The following TXNRD1 variants were observed in gnomAD, a reference collection of about 807,000 sequenced individuals.
TXNRD1 encodes the protein thioredoxin reductase 1.
In TXNRD1, 57 loss-of-function variants were observed where a neutral mutation model predicts 80.3. That is an observed-to-expected ratio of 0.71 (90% CI 0.57 to 0.89). The LOEUF (loss-of-function observed/expected upper bound fraction) is 0.89, where lower values mean the gene tolerates loss of function less well. TXNRD1 is among the 40% of genes least tolerant of loss of function. The probability of loss-of-function intolerance (pLI) is 0.00; values close to 1 mark genes in which losing one functional copy is unlikely to be tolerated. For missense variants in TXNRD1, 730 were observed against 803.0 expected (o/e 0.91, Z 1.10); for synonymous variants, 291 against 285.2 (o/e 1.02, Z -0.20).
intron 2 of TXNRD1, among the ~76,000 whole-genome samples, chr12:104,256,725 A>G (rs1160823080): frequency 6.8e-6 from 1 of 147,520 alleles, no homozygotes; most frequent in Admixed American, 6.9e-5. Flanking sequence ...GATTGCAGTG[A>G]GCCGAGATAG....
intron 4 of TXNRD1, chr12:104,291,203 T>C: frequency 4.5e-6 from 2 of 446,420 alleles, no homozygotes; most frequent in Non-Finnish European, 7.9e-6. Flanking sequence ...TGTCTTTTTT[T>C]TTTTTTTTTT....
At chr12:104,299,946 G>A (rs2034565834) in intron 4 of TXNRD1, among the ~76,000 whole-genome samples, 1 of 152,174 alleles carries the variant, frequency 6.6e-6, no homozygotes, top group South Asian at 2.1e-4. Context: ...GTTTAGGGAG[G>A]TAGCTATTAG....
At chr12:104,273,466 G>A (rs10778315) in intron 3 of TXNRD1, among the ~76,000 whole-genome samples, 50,522 of 151,812 alleles carry the variant, frequency 0.33, 9,307 homozygotes, top group East Asian at 0.83. Flanking sequence ...GGTGGTGCGC[G>A]CCTATAGTCC....
Position 104,348,762 on chromosome 12 carries a change from C to T in TXNRD1, c.*341C>T, listed in dbSNP as rs35776976. ...CTTTCCTTGTGGATTTTCTTATTCT[C>T]GTTGTCAAGTTTTCTAGGGTTGAAT... On this transcript the variant is annotated 3_prime_UTR_variant, in exon 17 of 17. Transcript: ENST00000525566. The T allele has an allele frequency of 4.1e-3, 998 of 244,976 alleles. 9 individuals carry two copies. Among genetic ancestry groups the T allele is most frequent in the African/African-American group, 0.021 (932 of 44,590 alleles). 15.2% of individuals were successfully genotyped at this position (244,976 alleles called of 1,614,324 possible).
At chr12:104,336,671 T>C (rs149712370) in intron 15 of TXNRD1, among the ~76,000 whole-genome samples, 4 of 152,342 alleles carry the variant, frequency 2.6e-5, no homozygotes, top group East Asian at 3.8e-4. Flanking sequence ...TTTTTTCTTA[T>C]AAGAGATAAA....
chr12:104,257,342 G>A (rs1228007609), intron 2 of TXNRD1, among the ~76,000 whole-genome samples: 4 of 147,846 alleles, frequency 2.7e-5, no homozygotes, highest in African/African-American at 7.5e-5. Context: ...TTTAACTATT[G>A]TAGAATATAT....
At chr12:104,290,192 T>C (rs1397467018) in intron 4 of TXNRD1, among the ~76,000 whole-genome samples, 1 of 152,266 alleles carries the variant, frequency 6.6e-6, no homozygotes, top group African/African-American at 2.4e-5. Flanking sequence ...AAAATACTAA[T>C]AATTTGAATT....
At chr12:104,294,242 C>CCCCCCCCCG (rs57647930) in intron 4 of TXNRD1, among the ~76,000 whole-genome samples, 1 of 119,044 alleles carries the variant, frequency 8.4e-6, no homozygotes, top group African/African-American at 3.2e-5. Flanking sequence ...GGCCCCCCCC[C>CCCCCCCCCG]CCGCCGCCGG....
chr12:104,304,316 G>A, intron 4 of TXNRD1: 2 of 1,613,944 alleles, frequency 1.2e-6, no homozygotes, highest in Non-Finnish European at 1.7e-6. Flanking sequence ...TCTGTTCGTG[G>A]GTCTGAATTG....
chr12:104,318,859 T>C lies in TXNRD1; in HGVS notation c.731-54T>C, dbSNP rs2035422601. On this transcript the variant is annotated intron_variant, in intron 7 of 16. Coordinates refer to ENST00000525566, the MANE Select transcript of TXNRD1 (RefSeq NM_001093771.3). The stretch of plus-strand genomic sequence containing the variant: ...CACTTGAGTGGTTATTGAGAAATGA[T>C]CTTTGCCAGCAGTTGAAAAGCCAAA... 7.6e-6 allele frequency: 12 copies of C among 1,579,602 alleles called. No homozygotes were observed. In the South Asian group the frequency reaches 1.4e-4, roughly 18 times the overall value.
At chr12:104,290,720 C>CATATATATATACATATAT (rs2034159495) in intron 4 of TXNRD1, among the ~76,000 whole-genome samples, 3 of 55,874 alleles carry the variant, frequency 5.4e-5, no homozygotes. Flanking sequence ...AAGAAATATA[C>CATATATATATACATATAT]ATATATATAT....
chr12:104,331,928 A>G (rs959855999), intron 14 of TXNRD1, among the ~76,000 whole-genome samples: 1 of 152,100 alleles, frequency 6.6e-6, no homozygotes, highest in African/African-American at 2.4e-5. Context: ...TTTCTTATAT[A>G]GCCGTAGTGT....
intron 13 of TXNRD1, among the ~76,000 whole-genome samples, chr12:104,330,177 A>AT (rs1293386142): frequency 5.9e-5 from 9 of 152,098 alleles, no homozygotes; most frequent in Non-Finnish European, 1.0e-4. Context: ...TATTTTAAAG[A>AT]TTTTATCTCC....
At chr12:104,329,651 A>G (rs1214023978) in intron 13 of TXNRD1, among the ~76,000 whole-genome samples, 1 of 151,950 alleles carries the variant, frequency 6.6e-6, no homozygotes, top group African/African-American at 2.4e-5. Flanking sequence ...CTGTCTCCAA[A>G]AAAAAAAATA....
intron 3 of TXNRD1, among the ~76,000 whole-genome samples, chr12:104,278,067 G>T (rs1464345478): frequency 6.6e-6 from 1 of 151,334 alleles, no homozygotes; most frequent in African/African-American, 2.4e-5. Context: ...TTAGTAGAGA[G>T]GGGGTTTCAT....
chr12:104,342,420 G>A (rs999722704), intron 16 of TXNRD1, among the ~76,000 whole-genome samples: 2 of 152,194 alleles, frequency 1.3e-5, no homozygotes, highest in African/African-American at 4.8e-5. Context: ...AGGAACCAGG[G>A]ACAGGATGGA....
chr12:104,303,261 C>T (rs1458678011), intron 4 of TXNRD1, among the ~76,000 whole-genome samples: 1 of 152,164 alleles, frequency 6.6e-6, no homozygotes, highest in Non-Finnish European at 1.5e-5. Flanking sequence ...AAGTAATTAA[C>T]CCGATTTACA....
At chr12:104,265,912 A>T in intron 3 of TXNRD1, 1 of 800,376 alleles carries the variant, frequency 1.2e-6, no homozygotes, top group Non-Finnish European at 1.9e-6. Flanking sequence ...AAAAAAAAAA[A>T]GTGATCTGGC....
At chr12:104,305,823 T>A (rs1276676629) in intron 4 of TXNRD1, among the ~76,000 whole-genome samples, 1 of 152,226 alleles carries the variant, frequency 6.6e-6, no homozygotes, top group Non-Finnish European at 1.5e-5. Context: ...TCTTTGCTAG[T>A]ACATAGAATG....
Sources: gnomAD v4.1 joint callset for allele counts (sites outside exome capture counted in the v4.1 genomes callset) on GRCh38, gnomAD v4.1.1 for gene constraint, MANE v1.5 for transcripts, NCBI Gene and HGNC (gene_info 2026-07-23, HGNC 2026-07-21) for gene names.